PEX5L: variants seen among roughly 807,000 people sequenced by gnomAD.
PEX5L encodes the protein peroxisomal biogenesis factor 5 like.
PEX5L carries 30 observed loss-of-function variants against 84.0 expected under a neutral mutation model. The observed-to-expected ratio is 0.36, with a 90% CI of 0.27 to 0.48. PEX5L has a LOEUF of 0.48. PEX5L is among the 20% of genes least tolerant of loss of function. The pLI is 0.99. For synonymous variants in PEX5L, 270 were observed against 283.1 expected (o/e 0.95, Z 0.46); for missense variants, 533 against 754.6 (o/e 0.71, Z 3.44).
intron 8 of PEX5L, among the ~76,000 whole-genome samples, chr3:179,837,492 A>C (rs943934013): frequency 6.6e-6 from 1 of 152,212 alleles, no homozygotes; most frequent in African/African-American, 2.4e-5. Flanking sequence ...GAATAACTTG[A>C]TGAAGCATTG....
intron 2 of PEX5L, among the ~76,000 whole-genome samples, chr3:179,967,610 T>A (rs1783676431): frequency 6.6e-6 from 1 of 152,146 alleles, no homozygotes. Flanking sequence ...TACCTTTGGT[T>A]GTAAATGGCT....
In PEX5L at chr3:179,871,193, C is replaced by T. The variant is rs1007867034; in HGVS notation, c.726+3134G>A. On this transcript the variant is annotated intron_variant, in intron 7 of 14. Transcript: ENST00000467460. ...TCTTGGCTCACTGCAACCTCTGCCT[C>T]CCAGGTTCAAGCAATTTTCATGCCT... Among the ~76,000 whole-genome samples, 4 of 151,020 alleles carry T rather than the reference C, an allele frequency of 2.6e-5. No individual in the cohort carries two copies. The East Asian group carries it at 7.8e-4, about 29-fold the overall frequency.
chr3:179,811,683 T>C, intron 11 of PEX5L, 118 bp downstream of exon 11: 1 of 804,684 alleles, frequency 1.2e-6, no homozygotes. Flanking sequence ...ATCTCAGCAC[T>C]TATCCTTTAC....
Position 180,036,721 on chromosome 3 carries a change from C to A in PEX5L, c.-122G>T. ...GGGTTCTCAGAGGGTGCTCCTGAGC[C>A]CCCTGGAGCTCCGGGTACTCGGCCG... On this transcript the variant is annotated 5_prime_UTR_variant, in exon 1 of 15. Transcript: ENST00000467460. 9.6e-7 allele frequency: 1 copy of A among 1,042,330 alleles called. No homozygotes were observed. Among genetic ancestry groups the A allele is most frequent in the Non-Finnish European group, 1.5e-6 (1 of 666,020 alleles). The allele number at this position is 1,042,330 out of a possible 1,614,324, so 64.6% of individuals were successfully genotyped here.
At chr3:179,948,673 GTA>G (rs1778263154) in intron 2 of PEX5L, among the ~76,000 whole-genome samples, 1 of 152,104 alleles carries the variant, frequency 6.6e-6, no homozygotes, top group Non-Finnish European at 1.5e-5. Flanking sequence ...GGTGCATACT[GTA>G]TTTCTTCACT....
intron 2 of PEX5L, chr3:179,921,786 C>T (rs149457737): frequency 2.0e-5 from 3 of 152,214 alleles, no homozygotes; most frequent in Non-Finnish European, 4.4e-5. Context: ...CATTCATGCG[C>T]ATCCCCTACT....
chr3:179,849,855 G>C (rs1741104796), intron 8 of PEX5L, among the ~76,000 whole-genome samples: 1 of 152,160 alleles, frequency 6.6e-6, no homozygotes, highest in Non-Finnish European at 1.5e-5. Context: ...TTAAAGTTAA[G>C]GGAATTTTCC....
chr3:179,835,362 C>CT (rs143213645), intron 8 of PEX5L, among the ~76,000 whole-genome samples: 18,932 of 146,000 alleles, frequency 0.13, 1,337 homozygotes, highest in African/African-American at 0.18. Flanking sequence ...ATTGTTGTTG[C>CT]TTTTTTTTTT....
Position 179,947,621 on chromosome 3 carries a change from A to G in PEX5L, c.93+23973T>C, listed in dbSNP as rs184918237. On this transcript the variant is annotated intron_variant, in intron 2 of 14. Coordinates refer to ENST00000467460, the MANE Select transcript of PEX5L (RefSeq NM_016559.3). ...CAAAAACAATATAAAGATAGTACTG[A>G]CGCAAAGTAAATAGCATTTTTTTAA... Among the ~76,000 whole-genome samples the G allele has an allele frequency of 5.9e-5, 9 of 152,224 alleles. No homozygotes were observed. The East Asian group carries it at 1.7e-3, about 29-fold the overall frequency.
intron 2 of PEX5L, among the ~76,000 whole-genome samples, chr3:179,902,374 C>A (rs1053924691): frequency 6.6e-6 from 1 of 152,158 alleles, no homozygotes; most frequent in East Asian, 1.9e-4. Context: ...TTCATGATCT[C>A]GCTCAGATTT....
chr3:179,809,527 T>C lies in PEX5L; in HGVS notation c.1296A>G (p.Lys432=). Reference sequence around the variant, plus strand: ...TGAGGCCTGGAGATCCCTTCTTGCTTTTCACAAGGTATTTGTACTTTGGAT... The same window carrying C: ...TGAGGCCTGGAGATCCCTTCTTGCTCTTCACAAGGTATTTGTACTTTGGAT... ...KQNPKYKYLV[K]SKKGSPGLTR... Residue 432 remains lysine, a synonymous_variant, in exon 12 of 15, where the codon AAA becomes AAG. Transcript: ENST00000467460. 1 of 1,614,128 alleles carries C rather than the reference T, an allele frequency of 6.2e-7. No individual in the cohort carries two copies. The highest frequency in any genetic ancestry group is 8.5e-7 in the Non-Finnish European group (1 of 1,179,998).
chr3:179,990,912 T>C (rs542739700), intron 1 of PEX5L, among the ~76,000 whole-genome samples: 2 of 152,378 alleles, frequency 1.3e-5, no homozygotes, highest in African/African-American at 4.8e-5. Flanking sequence ...ACTTGGCTAG[T>C]CTGCTTTGAA....
chr3:179,856,964 C>A (rs1030371806), intron 8 of PEX5L, among the ~76,000 whole-genome samples: 1 of 152,186 alleles, frequency 6.6e-6, no homozygotes, highest in African/African-American at 2.4e-5. Context: ...GTCCTGTGGA[C>A]CATGCTATTG....
At chr3:179,808,062 T>C (rs1441812275) in intron 13 of PEX5L, among the ~76,000 whole-genome samples, 1 of 152,228 alleles carries the variant, frequency 6.6e-6, no homozygotes, top group Non-Finnish European at 1.5e-5. Flanking sequence ...CATCAATTAG[T>C]GTTTCTATTT....
chr3:179,878,099 A>T (rs1753040812), intron 5 of PEX5L, among the ~76,000 whole-genome samples: 1 of 152,184 alleles, frequency 6.6e-6, no homozygotes, highest in African/African-American at 2.4e-5. Flanking sequence ...AGTCTAATGG[A>T]GGTATCCACA....
chr3:179,930,833 C>T (rs187335307), intron 2 of PEX5L, among the ~76,000 whole-genome samples: 13 of 152,276 alleles, frequency 8.5e-5, no homozygotes, highest in African/African-American at 3.1e-4. Context: ...AAGGAAAATG[C>T]CACCTCATAC....
rs544723573 is a variant in PEX5L, at chr3:180,001,877, C to A, written c.22-30212G>T. Among the ~76,000 whole-genome samples the A allele has an allele frequency of 6.4e-4, 98 of 152,186 alleles. No individual in the cohort carries two copies. In the Middle Eastern group the frequency reaches 0.01, roughly 16 times the overall value. The stretch of plus-strand genomic sequence containing the variant: ...ATCAACAAGATAATGTTTATTTTAT[C>A]TATATTATCCATAGTCATAGCCAAA... On this transcript the variant is annotated intron_variant, in intron 1 of 14. Transcript: ENST00000467460.
chr3:180,000,766 C>T lies in PEX5L; in HGVS notation c.22-29101G>A, dbSNP rs552721334. 1.1e-4 allele frequency among the ~76,000 whole-genome samples: 16 copies of T among 152,206 alleles called. No individual in the cohort carries two copies. In the South Asian group the frequency reaches 3.1e-3, roughly 30 times the overall value. On this transcript the variant is annotated intron_variant, in intron 1 of 14. Coordinates refer to ENST00000467460, the MANE Select transcript of PEX5L (RefSeq NM_016559.3). ...CATACCAGCATTTAAGTATTGTTAA[C>T]TTTATGTAGTAATATTTAGGTTGGG...
chr3:179,948,793 A>C (rs1778299152), intron 2 of PEX5L, among the ~76,000 whole-genome samples: 1 of 152,220 alleles, frequency 6.6e-6, no homozygotes, highest in Non-Finnish European at 1.5e-5. Flanking sequence ...CGACTTGTTT[A>C]TTAATCTGAA....
Sources: allele counts gnomAD v4.1 joint callset (sites outside exome capture counted in the v4.1 genomes callset), GRCh38; gene constraint gnomAD v4.1.1; transcripts MANE v1.5; gene names NCBI Gene and HGNC (gene_info 2026-07-23, HGNC 2026-07-21).